The following ERC1 variants were observed in gnomAD, a reference collection of about 807,000 sequenced individuals.
ERC1 encodes ELKS/RAB6-interacting/CAST family member 1.
In ERC1, 56 loss-of-function variants were observed where a neutral mutation model predicts 132.0. That is an observed-to-expected ratio of 0.42 (90% CI 0.34 to 0.53). The LOEUF (loss-of-function observed/expected upper bound fraction) is 0.53. Among genes scored for constraint, ERC1 ranks in the 20% least tolerant of loss-of-function variants. The pLI is 0.03. For synonymous variants in ERC1, 478 were observed against 476.1 expected (o/e 1.00, Z -0.05); for missense variants, 1,202 against 1,349.9 (o/e 0.89, Z 1.72).
intron 13 of ERC1, among the ~76,000 whole-genome samples, chr12:1,247,993 T>A (rs2076257430): frequency 6.6e-6 from 1 of 152,020 alleles, no homozygotes. Context: ...CAAAACTGCA[T>A]CTCAAAAAAA....
intron 2 of ERC1, among the ~76,000 whole-genome samples, chr12:1,057,333 A>G (rs1331495205): frequency 6.6e-6 from 1 of 152,010 alleles, no homozygotes; most frequent in East Asian, 1.9e-4. Context: ...CCTGTTGGCC[A>G]GGGTGGTCTC....
At chr12:1,208,013 C>T (rs1180403324) in intron 12 of ERC1, among the ~76,000 whole-genome samples, 1 of 152,156 alleles carries the variant, frequency 6.6e-6, no homozygotes, top group Non-Finnish European at 1.5e-5. Context: ...CGTCTGATTT[C>T]TGATTACAGT....
intron 1 of ERC1, among the ~76,000 whole-genome samples, chr12:1,007,442 A>T (rs1240335020): frequency 6.7e-6 from 1 of 150,178 alleles, no homozygotes; most frequent in African/African-American, 2.5e-5. Flanking sequence ...AAAAGCTTTA[A>T]CAGGACTGGG....
chr12:1,405,725 T>C (rs1374217086), intron 16 of ERC1, among the ~76,000 whole-genome samples: 1 of 151,348 alleles, frequency 6.6e-6, no homozygotes, highest in East Asian at 2.0e-4. Context: ...TAAATGGATA[T>C]CTATTCAGCC....
At chr12:1,100,523 G>A (rs967842228) in intron 3 of ERC1, among the ~76,000 whole-genome samples, 1 of 152,174 alleles carries the variant, frequency 6.6e-6, no homozygotes, top group Non-Finnish European at 1.5e-5. Flanking sequence ...AAAAGATAAT[G>A]GTGGCTTAGA....
chr12:1,146,308 G>GTTTTTTTTTT (rs1172108036), intron 8 of ERC1, among the ~76,000 whole-genome samples: 25 of 31,792 alleles, frequency 7.9e-4, no homozygotes, highest in African/African-American at 1.3e-3. Context: ...TATTTTACTG[G>GTTTTTTTTTT]TTTTTTTTTT....
chr12:1,310,057 C>G (rs1275260943), intron 15 of ERC1, among the ~76,000 whole-genome samples: 1 of 151,914 alleles, frequency 6.6e-6, no homozygotes, highest in Non-Finnish European at 1.5e-5. Context: ...ACGCCATTCT[C>G]CTGCCTCAGA....
At chr12:1,023,961 A>G (rs1182108763) in intron 1 of ERC1, among the ~76,000 whole-genome samples, 1 of 152,202 alleles carries the variant, frequency 6.6e-6, no homozygotes, top group Non-Finnish European at 1.5e-5. Flanking sequence ...GAATAGAGGA[A>G]GTTAAGGATG....
At chr12:1,435,090 G>A (rs912249699) in intron 17 of ERC1, among the ~76,000 whole-genome samples, 7 of 152,140 alleles carry the variant, frequency 4.6e-5, no homozygotes, top group Non-Finnish European at 4.4e-5. Flanking sequence ...AGGTGAGAGG[G>A]TTGATGTCTG....
intron 18 of ERC1, among the ~76,000 whole-genome samples, chr12:1,451,140 C>T (rs748227324): frequency 2.0e-5 from 3 of 152,058 alleles, no homozygotes; most frequent in Admixed American, 1.3e-4. Flanking sequence ...TAGTGTCTTT[C>T]GATGCACACA....
At chr12:1,379,117 A>G (rs1262270077) in intron 16 of ERC1, among the ~76,000 whole-genome samples, 2 of 152,240 alleles carry the variant, frequency 1.3e-5, no homozygotes, top group Non-Finnish European at 2.9e-5. Context: ...AAATTCCCAT[A>G]AATACATAAA....
chr12:1,083,897 A>G (rs528444245), intron 3 of ERC1, among the ~76,000 whole-genome samples: 2 of 152,234 alleles, frequency 1.3e-5, no homozygotes, highest in Non-Finnish European at 2.9e-5. Context: ...GTTCATAGAG[A>G]CAACAAACAC....
intron 15 of ERC1, among the ~76,000 whole-genome samples, chr12:1,359,638 G>T (rs562764833): frequency 3.1e-4 from 47 of 152,258 alleles, no homozygotes; most frequent in African/African-American, 9.1e-4. Context: ...AAGACACAGC[G>T]GTCATGGCCT....
chr12:1,042,419 C>G (rs962009033), intron 2 of ERC1, among the ~76,000 whole-genome samples: 2 of 146,308 alleles, frequency 1.4e-5, no homozygotes, highest in Admixed American at 1.4e-4. Context: ...GATCTTGGCT[C>G]ACTGTAACCT....
intron 11 of ERC1, among the ~76,000 whole-genome samples, chr12:1,185,191 G>T (rs1408199851): frequency 1.3e-5 from 2 of 151,496 alleles, no homozygotes; most frequent in African/African-American, 2.4e-5. Flanking sequence ...TTACAGGCAT[G>T]AGCCACCACA....
At chr12:1,458,179 C>T (rs2093577428) in intron 18 of ERC1, among the ~76,000 whole-genome samples, 1 of 152,170 alleles carries the variant, frequency 6.6e-6, no homozygotes, top group Non-Finnish European at 1.5e-5. Flanking sequence ...GCCCACATGG[C>T]CAACATTTTT....
Position 1,096,899 on chromosome 12 carries a change from G to A in ERC1, c.1087-7851G>A, listed in dbSNP as rs559120307. 5.9e-5 allele frequency among the ~76,000 whole-genome samples: 9 copies of A among 151,848 alleles called. No individual in the cohort carries two copies. The East Asian group carries it at 1.5e-3, about 26-fold the overall frequency. ...CCCTCTAAAAGTAACCAGTGTTCTG[G>A]GTTTTATAGTTATCATGCCTTTGCT... On this transcript the variant is annotated intron_variant, in intron 3 of 18. Transcript: ENST00000360905.
intron 12 of ERC1, among the ~76,000 whole-genome samples, chr12:1,227,403 A>G (rs1294129348): frequency 1.3e-5 from 2 of 152,144 alleles, no homozygotes; most frequent in African/African-American, 4.8e-5. Context: ...ACATTTAGCT[A>G]TCCTTTGGCC....
chr12:1,171,356 C>CTTTTT (rs57007848), intron 8 of ERC1, among the ~76,000 whole-genome samples: 9 of 87,226 alleles, frequency 1.0e-4, no homozygotes, highest in Non-Finnish European at 1.4e-4. Flanking sequence ...GCAAAACATT[C>CTTTTT]TTTTTTTTTT....
Sources: gnomAD v4.1 joint callset for allele counts (sites outside exome capture counted in the v4.1 genomes callset) on GRCh38, gnomAD v4.1.1 for gene constraint, MANE v1.5 for transcripts, NCBI Gene and HGNC (gene_info 2026-07-23, HGNC 2026-07-21) for gene names.